Variants in ZSCAN2 observed in about 807,000 individuals in gnomAD.
ZSCAN2 encodes zinc finger and SCAN domain-containing protein 2.
A neutral mutation model predicts 47.8 loss-of-function variants in ZSCAN2; 26 were observed. That is an observed-to-expected ratio of 0.54 (90% CI 0.40 to 0.75). ZSCAN2 has a LOEUF of 0.75. Ranked by LOEUF, ZSCAN2 falls within the 30% of genes least tolerant of loss-of-function variation. The probability of loss-of-function intolerance (pLI) is 0.00; values close to 1 mark genes in which losing one functional copy is unlikely to be tolerated. For synonymous variants in ZSCAN2, 305 were observed against 288.7 expected (o/e 1.06, Z -0.57); for missense variants, 732 against 785.4 (o/e 0.93, Z 0.81).
At chr15:84,603,779 C>T in intron 1 of ZSCAN2, 41 bp from the exon 2 acceptor site, 2 of 941,394 alleles carry the variant, frequency 2.1e-6, no homozygotes, top group Middle Eastern at 2.2e-4. Flanking sequence ...TGCTTTAGGA[C>T]AGTCTACCTA....
chr15:84,619,926 GGTTT>G (rs1895777741), intron 2 of ZSCAN2, among the ~76,000 whole-genome samples: 2 of 28,662 alleles, frequency 7.0e-5, no homozygotes, highest in Non-Finnish European at 7.8e-5. Flanking sequence ...AGCCTGGGTT[GGTTT>G]TTTTTTTTTT....
At chr15:84,607,923 C>T (rs1211156853) in intron 2 of ZSCAN2, among the ~76,000 whole-genome samples, 2 of 152,196 alleles carry the variant, frequency 1.3e-5, no homozygotes, top group Non-Finnish European at 2.9e-5. Flanking sequence ...CTCTTAAACC[C>T]TGTCCCTTTT....
intron 2 of ZSCAN2, chr15:84,616,297 T>C (rs377715652): frequency 2.4e-5 from 31 of 1,279,092 alleles, no homozygotes; most frequent in Non-Finnish European, 3.4e-5. Flanking sequence ...TCTTTCCTTC[T>C]CTGCTTTCCA....
At chr15:84,614,839 G>A (rs1017819009) in intron 2 of ZSCAN2, 5 of 152,066 alleles carry the variant, frequency 3.3e-5, no homozygotes, top group African/African-American at 1.2e-4. Context: ...TAAGTGATTT[G>A]ATCCTTTTGC....
At position 84,622,112 on chromosome 15, in the gene ZSCAN2, T is replaced by G; in HGVS notation, c.*72T>G. 1 of 1,308,906 alleles carries G rather than the reference T, an allele frequency of 7.6e-7. No homozygotes were observed. The highest frequency in any genetic ancestry group is 1.1e-6 in the Non-Finnish European group (1 of 943,804). 81.1% of individuals were successfully genotyped at this position (1,308,906 alleles called of 1,614,324 possible). ...CACACTGCCCCAACAGTGATTCCCT[T>G]TCAAAGAGCTGTGCTTCCTAAACAT... On this transcript the variant is annotated 3_prime_UTR_variant, in exon 3 of 3. Coordinates refer to ENST00000546148, the MANE Select transcript of ZSCAN2 (RefSeq NM_181877.4).
In ZSCAN2 at chr15:84,622,678, A is replaced by G; in HGVS notation, c.*638A>G. On this transcript the variant is annotated 3_prime_UTR_variant, in exon 3 of 3. Coordinates refer to ENST00000546148, the MANE Select transcript of ZSCAN2 (RefSeq NM_181877.4). ...CAGGAGCACAGAAACTTGAGGAAGT[A>G]CAGCCTGGAGCCAGTGTCCCAGTGT... The G allele has an allele frequency of 1.4e-6, 1 of 717,468 alleles. No individual in the cohort carries two copies. Among genetic ancestry groups the G allele is most frequent in the Non-Finnish European group, 2.6e-6 (1 of 385,090 alleles). The allele number at this position is 717,468 out of a possible 1,614,324, so 44.4% of individuals were successfully genotyped here. A position where few individuals can be genotyped will look rare whatever the true frequency, so the allele number is the denominator to read the frequency against.
chr15:84,620,438 T>C (rs1471802443), intron 2 of ZSCAN2, among the ~76,000 whole-genome samples, 164 bp from the exon 3 acceptor site: 1 of 152,244 alleles, frequency 6.6e-6, no homozygotes, highest in Non-Finnish European at 1.5e-5. Flanking sequence ...GAATGATTTA[T>C]ATTCCTTTGG....
At chr15:84,605,183 G>T (rs544596088) in intron 2 of ZSCAN2, among the ~76,000 whole-genome samples, 1 of 152,016 alleles carries the variant, frequency 6.6e-6, no homozygotes, top group Non-Finnish European at 1.5e-5. Flanking sequence ...ATTTTTTTCC[G>T]GTGTTACTAA....
chr15:84,613,480 C>T (rs1895609929), intron 2 of ZSCAN2, among the ~76,000 whole-genome samples: 1 of 151,844 alleles, frequency 6.6e-6, no homozygotes, highest in African/African-American at 2.4e-5. Context: ...GCCACCACAC[C>T]CAGCTAATTT....
Position 84,621,869 on chromosome 15 carries a change from C to T in ZSCAN2, c.1674C>T (p.Tyr558=). ...GAGCCCATTTGGGAGACAAGCCCTA[C>T]AGGTGCCCTGAGTGTGGGAAAGGCT... ...HQRAHLGDKP[Y]RCPECGKGFS... is the part of the protein sequence containing the mutation. Residue 558 remains tyrosine, a synonymous_variant, in exon 3 of 3, where the codon TAC becomes TAT. Transcript: ENST00000546148. This position sits in a 1 kb window ranked among gnomAD's most constrained non-coding sequence, Gnocchi z 5.7. 5.0e-6 allele frequency: 8 copies of T among 1,614,218 alleles called. No individual in the cohort carries two copies. Among genetic ancestry groups the T allele is most frequent in the Non-Finnish European group, 3.4e-6 (4 of 1,180,040 alleles).
At chr15:84,610,013 A>G (rs1895498220) in intron 2 of ZSCAN2, among the ~76,000 whole-genome samples, 1 of 152,186 alleles carries the variant, frequency 6.6e-6, no homozygotes, top group South Asian at 2.1e-4. Context: ...GTGAACGGCC[A>G]CGGGAATTTG....
At chr15:84,613,104 G>A (rs1341088135) in intron 2 of ZSCAN2, among the ~76,000 whole-genome samples, 1 of 152,064 alleles carries the variant, frequency 6.6e-6, no homozygotes, top group Non-Finnish European at 1.5e-5. Context: ...TGTATGTTGT[G>A]TCTCTTCTCC....
chr15:84,603,842 A>G lies in ZSCAN2; in HGVS notation c.-86A>G. 6.9e-7 allele frequency: 1 copy of G among 1,440,724 alleles called. No homozygotes were observed. The highest frequency in any genetic ancestry group is 1.8e-4 in the Middle Eastern group (1 of 5,484). The allele number at this position is 1,440,724 out of a possible 1,614,324, so 89.2% of individuals were successfully genotyped here. A position where few individuals can be genotyped will look rare whatever the true frequency, so the allele number is the denominator to read the frequency against. ...CAGCGGGACTACTTGTTGATATTTG[A>G]GGAGGGAAGTGTCTTACCTGAGAGC... On this transcript the variant is annotated 5_prime_UTR_variant, in exon 2 of 3. Transcript: ENST00000546148.
chr15:84,602,737 C>T (rs901964575), intron 1 of ZSCAN2, among the ~76,000 whole-genome samples: 2 of 151,886 alleles, frequency 1.3e-5, no homozygotes, highest in Non-Finnish European at 2.9e-5. Flanking sequence ...TACAGGCGCC[C>T]GTCACCATGC....
intron 2 of ZSCAN2, chr15:84,606,839 T>G: frequency 8.1e-7 from 1 of 1,231,056 alleles, no homozygotes; most frequent in Non-Finnish European, 1.0e-6. Flanking sequence ...CCTCTGAGAT[T>G]GTCTTTGTTG....
chr15:84,604,324 C>A lies in ZSCAN2; in HGVS notation c.397C>A (p.Gln133Lys). 1 of 1,609,202 alleles carries A rather than the reference C, an allele frequency of 6.2e-7. No homozygotes were observed. Residue 133 changes from glutamine (Q) to lysine (K), a missense_variant, in exon 2 of 3, where the codon CAG becomes AAG. Gln to Lys is a moderately conservative substitution (Grantham distance 53). Transcript: ENST00000546148. ...ALVEDLTQTL[Q>K]DSDFEIQSEN... ...GGTGGAAGACTTGACCCAGACCCTT[C>A]AGGACAGTGGTGAGACGCAGAACCT...
Position 84,623,346 on chromosome 15 carries a change from C to A in ZSCAN2, c.*1306C>A, listed in dbSNP as rs955510076. ...TGTCCTCGTGATCTGCCCGCCTTGG[C>A]CTCCCGAAGTGCTGGGATTACAGGC... On this transcript the variant is annotated 3_prime_UTR_variant, in exon 3 of 3. Coordinates refer to ENST00000546148, the MANE Select transcript of ZSCAN2 (RefSeq NM_181877.4). 4.4e-5 allele frequency: 9 copies of A among 204,738 alleles called. No homozygotes were observed. The highest frequency in any genetic ancestry group is 1.0e-4 in the Non-Finnish European group (9 of 89,882). 12.7% of individuals were successfully genotyped at this position (204,738 alleles called of 1,614,324 possible).
At chr15:84,606,024 T>G (rs1392872301) in intron 2 of ZSCAN2, among the ~76,000 whole-genome samples, 3 of 152,150 alleles carry the variant, frequency 2.0e-5, no homozygotes, top group Non-Finnish European at 4.4e-5. Context: ...TTTTAAGCGT[T>G]GTCATATGTA....
intron 2 of ZSCAN2, among the ~76,000 whole-genome samples, chr15:84,604,804 C>T (rs902358330): frequency 2.8e-5 from 4 of 141,118 alleles, no homozygotes; most frequent in African/African-American, 1.1e-4. Flanking sequence ...GTGGCACAAT[C>T]TTGGCTCACT....
Sources: gnomAD v4.1 joint callset for allele counts (sites outside exome capture counted in the v4.1 genomes callset) on GRCh38, gnomAD v4.1.1 for gene constraint, Gnocchi (gnomAD v3.1) non-coding constraint, MANE v1.5 for transcripts, NCBI Gene and HGNC (gene_info 2026-07-23, HGNC 2026-07-21) for gene names.